DLGAP1: variants seen among roughly 807,000 people sequenced by gnomAD.
The protein encoded by DLGAP1 is disks large-associated protein 1.
DLGAP1 carries 11 observed loss-of-function variants against 90.8 expected under a neutral mutation model. That is an observed-to-expected ratio of 0.12 (90% CI 0.08 to 0.20). The LOEUF (loss-of-function observed/expected upper bound fraction) is 0.20. DLGAP1 is among the 10% of genes least tolerant of loss of function. The probability of loss-of-function intolerance (pLI) is 1.00; values close to 1 mark genes in which losing one functional copy is unlikely to be tolerated. For missense variants in DLGAP1, 1,050 were observed against 1,333.8 expected (o/e 0.79, Z 3.31); for synonymous variants, 558 against 540.7 (o/e 1.03, Z -0.44).
intron 7 of DLGAP1, among the ~76,000 whole-genome samples, chr18:3,627,972 C>G (rs12959110): frequency 1.3e-5 from 2 of 149,354 alleles, no homozygotes; most frequent in African/African-American, 4.9e-5. Flanking sequence ...CCCACCTCCC[C>G]GGTTCCAGTG....
intron 1 of DLGAP1, among the ~76,000 whole-genome samples, chr18:4,247,535 G>A (rs535229692): frequency 3.3e-5 from 5 of 152,112 alleles, no homozygotes; most frequent in African/African-American, 9.6e-5. Flanking sequence ...CAGCACTTTC[G>A]GAGGCCGAGC....
At chr18:4,092,177 T>A (rs970519213) in intron 2 of DLGAP1, among the ~76,000 whole-genome samples, 2 of 152,200 alleles carry the variant, frequency 1.3e-5, no homozygotes, top group African/African-American at 4.8e-5. Context: ...CGTGTCTCAA[T>A]GTCCCTGCTC....
intron 2 of DLGAP1, among the ~76,000 whole-genome samples, chr18:4,039,695 T>C (rs2074947229): frequency 6.6e-6 from 1 of 152,192 alleles, no homozygotes; most frequent in Admixed American, 6.5e-5. Flanking sequence ...ACTCTTCAAA[T>C]ATAAAATGGT....
chr18:3,608,108 A>T (rs1379907339), intron 7 of DLGAP1: 2 of 152,240 alleles, frequency 1.3e-5, no homozygotes, highest in Non-Finnish European at 2.9e-5. Context: ...AGATCATGTG[A>T]AGTCGGGAGT....
At chr18:3,917,774 A>G (rs2072180045) in intron 3 of DLGAP1, among the ~76,000 whole-genome samples, 1 of 152,212 alleles carries the variant, frequency 6.6e-6, no homozygotes, top group Admixed American at 6.5e-5. Flanking sequence ...TAGAGCGATA[A>G]TGATCATTTT....
intron 1 of DLGAP1, among the ~76,000 whole-genome samples, chr18:4,254,080 C>T (rs1026595882): frequency 1.3e-5 from 2 of 152,062 alleles, no homozygotes; most frequent in African/African-American, 2.4e-5. Flanking sequence ...TTTATTCTCC[C>T]ACATTGTACT....
At chr18:3,638,995 C>A (rs1209705281) in intron 7 of DLGAP1, among the ~76,000 whole-genome samples, 6 of 152,190 alleles carry the variant, frequency 3.9e-5, no homozygotes, top group African/African-American at 1.4e-4. Context: ...TCCACAAGAA[C>A]TCCAAAACTA....
At position 4,422,874 on chromosome 18, in the gene DLGAP1, G is replaced by A. The variant is rs964891510; in HGVS notation, c.-267+32132C>T. 1.4e-4 allele frequency among the ~76,000 whole-genome samples: 21 copies of A among 151,990 alleles called. 1 individual carries two copies. Among genetic ancestry groups the A allele is most frequent in the African/African-American group, 4.3e-4 (18 of 41,392 alleles). ...TTTAAAAGCCAATTATGCATGCCTG[G>A]TAAAGTAAATGAGACCATGAATGAA... On this transcript the variant is annotated intron_variant, in intron 1 of 12. Transcript: ENST00000315677.
In DLGAP1 at chr18:4,003,437, GTTTTTT is replaced by G. The variant is rs11457362; in HGVS notation, c.-73+1673_-73+1678del. Among the ~76,000 whole-genome samples the G allele has an allele frequency of 1.7e-4, 22 of 130,372 alleles. 1 individual carries two copies. In the South Asian group the frequency reaches 5.3e-3, roughly 31 times the overall value. The allele number at this position is 130,372 out of a possible 152,430, so 85.5% of individuals were successfully genotyped here. ...TCTTTTTCAGGTGCTTAATATCATT[GTTTTTT>G]TTTTTTTTTTTGGAAGTTAACAGAT... On this transcript the variant is annotated intron_variant, in intron 3 of 12. Transcript: ENST00000315677.
chr18:4,066,830 T>C (rs186685786), intron 2 of DLGAP1, among the ~76,000 whole-genome samples: 9 of 152,254 alleles, frequency 5.9e-5, no homozygotes, highest in African/African-American at 2.2e-4. Context: ...ACTGGGTATA[T>C]ACTTAAAGGA....
intron 9 of DLGAP1, among the ~76,000 whole-genome samples, chr18:3,554,533 G>C (rs866037426): frequency 6.6e-6 from 1 of 152,166 alleles, no homozygotes. Context: ...CTCTGTCCAC[G>C]GTCCTCACCG....
intron 9 of DLGAP1, among the ~76,000 whole-genome samples, chr18:3,547,170 G>T (rs1306215399): frequency 6.6e-6 from 1 of 151,550 alleles, no homozygotes; most frequent in Non-Finnish European, 1.5e-5. Context: ...GCGTGGTGGC[G>T]GGCGCCGGTA....
chr18:3,832,802 T>C lies in DLGAP1; in HGVS notation c.958-18529A>G, dbSNP rs554725522. 3.9e-5 allele frequency among the ~76,000 whole-genome samples: 6 copies of C among 152,096 alleles called. 1 individual carries two copies. In the South Asian group the frequency reaches 1.2e-3, roughly 32 times the overall value. On this transcript the variant is annotated intron_variant, in intron 4 of 12. Coordinates refer to ENST00000315677, the MANE Select transcript of DLGAP1 (RefSeq NM_004746.4). ...GAAGTCTGAAACAGAAAATACAAAG[T>C]AGGGGCAAGAAGGCCCTTGTGGGGG... is the stretch of plus-strand genomic sequence containing the variant.
intron 10 of DLGAP1, among the ~76,000 whole-genome samples, chr18:3,531,533 A>G (rs2052005827): frequency 6.6e-6 from 1 of 152,108 alleles, no homozygotes; most frequent in East Asian, 1.9e-4. Context: ...CCCAGGCTGG[A>G]GTGCAGTAGC....
chr18:3,693,041 A>C (rs943140849), intron 7 of DLGAP1, among the ~76,000 whole-genome samples: 35 of 152,324 alleles, frequency 2.3e-4, no homozygotes, highest in African/African-American at 8.2e-4. Flanking sequence ...TATAAAAGCC[A>C]TTACATTTCT....
chr18:4,088,451 GT>G (rs1474612431), intron 2 of DLGAP1, among the ~76,000 whole-genome samples: 2 of 152,048 alleles, frequency 1.3e-5, no homozygotes, highest in Non-Finnish European at 2.9e-5. Flanking sequence ...GTGTGTGTGT[GT>G]GTCTGTATAC....
In DLGAP1 at chr18:4,367,184, T is replaced by C. The variant is rs539110197; in HGVS notation, c.-267+87822A>G. 6.2e-5 allele frequency among the ~76,000 whole-genome samples: 9 copies of C among 144,016 alleles called. No homozygotes were observed. The East Asian group carries it at 1.8e-3, about 28-fold the overall frequency. The allele number at this position is 144,016 out of a possible 152,430, so 94.5% of individuals were successfully genotyped here. On this transcript the variant is annotated intron_variant, in intron 1 of 12. Coordinates refer to ENST00000315677, the MANE Select transcript of DLGAP1 (RefSeq NM_004746.4). ...TTTTAAACACTAATTACATCTAGTA[T>C]GTAATATAGTTATTCAAAAGTAGCA...
intron 1 of DLGAP1, among the ~76,000 whole-genome samples, chr18:4,355,102 T>C (rs1029978410): frequency 6.6e-6 from 1 of 152,038 alleles, no homozygotes; most frequent in African/African-American, 2.4e-5. Flanking sequence ...TCTTGACATA[T>C]AACTCAGCAA....
chr18:3,595,497 A>G (rs2056527686), intron 7 of DLGAP1, among the ~76,000 whole-genome samples: 1 of 152,164 alleles, frequency 6.6e-6, no homozygotes, highest in African/African-American at 2.4e-5. Context: ...GGAAACAGGC[A>G]TGAGAAAAAA....
Sources: allele counts gnomAD v4.1 joint callset (sites outside exome capture counted in the v4.1 genomes callset), GRCh38; gene constraint gnomAD v4.1.1; transcripts MANE v1.5; gene names NCBI Gene and HGNC (gene_info 2026-07-23, HGNC 2026-07-21).